SLC24A2: variants seen among roughly 807,000 people sequenced by gnomAD.
SLC24A2 encodes sodium/potassium/calcium exchanger 2.
In SLC24A2, 36 loss-of-function variants were observed where a neutral mutation model predicts 62.0. The ratio of observed to expected loss-of-function variants is 0.58; its 90% CI spans 0.44 to 0.77. The LOEUF is 0.77. Among genes scored for constraint, SLC24A2 ranks in the 30% least tolerant of loss-of-function variants. SLC24A2 has a pLI of 0.00. For synonymous variants in SLC24A2, 358 were observed against 294.0 expected (o/e 1.22, Z -2.23); for missense variants, 846 against 817.9 (o/e 1.03, Z -0.42).
chr9:19,565,227 G>C (rs1835599091), intron 7 of SLC24A2, among the ~76,000 whole-genome samples: 1 of 152,028 alleles, frequency 6.6e-6, no homozygotes, highest in East Asian at 1.9e-4. Context: ...CATTGTCTCA[G>C]CCCAAAATCT....
At chr9:19,808,369 G>C in the SLC24A2 span, among the ~76,000 whole-genome samples, 1 of 152,164 alleles carries the variant, frequency 6.6e-6, no homozygotes, top group African/African-American at 2.4e-5. This position sits in a 1 kb window ranked among gnomAD's most constrained non-coding sequence, Gnocchi z 4.1. Context: ...AAAGAAATGG[G>C]TGACATTTAC....
intron 3 of SLC24A2, among the ~76,000 whole-genome samples, chr9:19,620,097 C>T (rs1206284259): frequency 1.3e-5 from 2 of 152,116 alleles, no homozygotes; most frequent in African/African-American, 4.8e-5. Context: ...AGGAATGGAT[C>T]CCAGGTCTGC....
chr9:19,710,263 C>T (rs1820675223), intron 2 of SLC24A2, among the ~76,000 whole-genome samples: 1 of 152,100 alleles, frequency 6.6e-6, no homozygotes, highest in African/African-American at 2.4e-5. Flanking sequence ...TGCAAATGAT[C>T]CCAGACATGT....
At chr9:19,951,863 CT>C in the SLC24A2 span, among the ~76,000 whole-genome samples, 1 of 152,078 alleles carries the variant, frequency 6.6e-6, no homozygotes, top group Admixed American at 6.5e-5. Flanking sequence ...TCAATTTCAT[CT>C]CTTACAACCT....
chr9:19,754,476 A>G (rs1822075712), intron 2 of SLC24A2, among the ~76,000 whole-genome samples: 1 of 152,160 alleles, frequency 6.6e-6, no homozygotes, highest in African/African-American at 2.4e-5. Flanking sequence ...TCCTTCTAGC[A>G]TGCCTTCCTG....
intron 4 of SLC24A2, among the ~76,000 whole-genome samples, chr9:19,609,594 G>A (rs1837088131): frequency 6.6e-6 from 1 of 152,182 alleles, no homozygotes; most frequent in African/African-American, 2.4e-5. Context: ...AATGATGATT[G>A]TGATGATTTT....
chr9:20,300,201 G>A, the SLC24A2 span, among the ~76,000 whole-genome samples: 2 of 152,108 alleles, frequency 1.3e-5, no homozygotes, highest in African/African-American at 4.8e-5. Flanking sequence ...TGCCATGTAT[G>A]GTAATTACAT....
intron 2 of SLC24A2, among the ~76,000 whole-genome samples, chr9:19,673,149 T>C (rs1819465419): frequency 6.8e-6 from 1 of 146,494 alleles, no homozygotes; most frequent in Non-Finnish European, 1.5e-5. Context: ...AGTCCTCCAA[T>C]ATTAATTGTG....
chr9:19,570,307 T>G (rs150414843), intron 7 of SLC24A2, among the ~76,000 whole-genome samples: 101 of 152,350 alleles, frequency 6.6e-4, no homozygotes, highest in African/African-American at 2.3e-3. Flanking sequence ...GCACATGTTG[T>G]CATTTTGGTT....
rs78366074 is a variant in SLC24A2 at position 19,729,257 on chromosome 9, T to C, written c.930+56680A>G. Reference sequence around the variant, plus strand: ...TAACAAATGCTGGTAGTGACTCTTATACACTGTTAGTAGGAATGTTAACCA... The same window carrying C: ...TAACAAATGCTGGTAGTGACTCTTACACACTGTTAGTAGGAATGTTAACCA... On this transcript the variant is annotated intron_variant, in intron 2 of 10. Coordinates refer to ENST00000341998, the MANE Select transcript of SLC24A2 (RefSeq NM_020344.4). Among the ~76,000 whole-genome samples the C allele has an allele frequency of 5.8e-3, 878 of 152,296 alleles. 6 individuals are homozygous for C. The highest frequency in any genetic ancestry group is 8.5e-3 in the Non-Finnish European group (575 of 68,018).
chr9:19,840,548 A>G, the SLC24A2 span, among the ~76,000 whole-genome samples: 1 of 152,230 alleles, frequency 6.6e-6, no homozygotes, highest in African/African-American at 2.4e-5. Flanking sequence ...GGTTTAATGA[A>G]CAGATATTCA....
the SLC24A2 span, among the ~76,000 whole-genome samples, chr9:20,187,918 C>T: frequency 6.6e-6 from 1 of 152,170 alleles, no homozygotes; most frequent in African/African-American, 2.4e-5. Context: ...GATTCCTCCG[C>T]TCATGAAAAT....
chr9:20,208,626 C>A, the SLC24A2 span, among the ~76,000 whole-genome samples: 1 of 152,184 alleles, frequency 6.6e-6, no homozygotes, highest in Non-Finnish European at 1.5e-5. Flanking sequence ...TATTTAAATG[C>A]ACCCCTCAGA....
chr9:19,715,522 C>A (rs565826446), intron 2 of SLC24A2, among the ~76,000 whole-genome samples: 4 of 152,206 alleles, frequency 2.6e-5, no homozygotes, highest in Non-Finnish European at 5.9e-5. Flanking sequence ...ATTATGGCTC[C>A]TCAGATACCT....
chr9:20,296,558 CT>C, the SLC24A2 span, among the ~76,000 whole-genome samples: 1 of 152,208 alleles, frequency 6.6e-6, no homozygotes, highest in African/African-American at 2.4e-5. Flanking sequence ...AAGAATTTAT[CT>C]TTCACAATGC....
chr9:19,686,163 C>T (rs1238062646), intron 2 of SLC24A2, among the ~76,000 whole-genome samples: 1 of 152,090 alleles, frequency 6.6e-6, no homozygotes, highest in African/African-American at 2.4e-5. Context: ...TGAAAAAATG[C>T]TCAACATCAT....
chr9:20,303,340 G>A, the SLC24A2 span, among the ~76,000 whole-genome samples: 7 of 152,198 alleles, frequency 4.6e-5, no homozygotes, highest in Non-Finnish European at 7.4e-5. Context: ...TAACATGGTT[G>A]AGAGCAAGGA....
chr9:20,081,975 C>A, the SLC24A2 span, among the ~76,000 whole-genome samples: 1 of 152,166 alleles, frequency 6.6e-6, no homozygotes, highest in East Asian at 1.9e-4. Flanking sequence ...TTAATTCCAG[C>A]CATCCCTCAT....
intron 5 of SLC24A2, among the ~76,000 whole-genome samples, chr9:19,579,276 T>C (rs1031658972): frequency 6.6e-6 from 1 of 152,192 alleles, no homozygotes; most frequent in African/African-American, 2.4e-5. Context: ...GCAGGGTCTA[T>C]GATTGCCTGA....
Sources: gnomAD v4.1 joint callset for allele counts (sites outside exome capture counted in the v4.1 genomes callset) on GRCh38, gnomAD v4.1.1 for gene constraint, Gnocchi (gnomAD v3.1) non-coding constraint, MANE v1.5 for transcripts, NCBI Gene and HGNC (gene_info 2026-07-23, HGNC 2026-07-21) for gene names.